The following SIMC1 variants were observed in gnomAD, a reference collection of about 807,000 sequenced individuals.
SIMC1 encodes the protein SUMO interacting motifs containing 1, also known as SUMO-interacting motif-containing protein 1.
Under a neutral mutation model 82.3 loss-of-function variants are expected in SIMC1, and 55 were observed. The observed-to-expected ratio is 0.67, with a 90% CI of 0.54 to 0.84. The LOEUF (loss-of-function observed/expected upper bound fraction) is 0.84. Among genes scored for constraint, SIMC1 ranks in the 40% least tolerant of loss-of-function variants. The probability of loss-of-function intolerance (pLI) is 0.00; values close to 1 mark genes in which losing one functional copy is unlikely to be tolerated. For missense variants in SIMC1, 915 were observed against 1,107.2 expected (o/e 0.83, Z 2.46); for synonymous variants, 353 against 426.3 (o/e 0.83, Z 2.12).
chr5:176,286,050 G>T (rs541763142), intron 1 of SIMC1, among the ~76,000 whole-genome samples: 78 of 152,308 alleles, frequency 5.1e-4, no homozygotes, highest in African/African-American at 1.8e-3. Context: ...CGTGAAAATG[G>T]CCATACTGCC....
At chr5:176,286,961 TTAAA>T (rs1328880476) in intron 1 of SIMC1, among the ~76,000 whole-genome samples, 1 of 152,142 alleles carries the variant, frequency 6.6e-6, no homozygotes, top group African/African-American at 2.4e-5. Flanking sequence ...ATGGCAATCA[TTAAA>T]AAGTCAGGAA....
At chr5:176,298,787 T>C (rs1433020424) in intron 4 of SIMC1, among the ~76,000 whole-genome samples, 7 of 152,208 alleles carry the variant, frequency 4.6e-5, no homozygotes, top group African/African-American at 1.2e-4. Flanking sequence ...TGTGATCTCA[T>C]TGGTAACTTC....
At chr5:176,257,685 C>A (rs1012861435) in intron 1 of SIMC1, among the ~76,000 whole-genome samples, 5 of 152,148 alleles carry the variant, frequency 3.3e-5, no homozygotes, top group Non-Finnish European at 7.3e-5. Context: ...TACATATGTA[C>A]GTATGTGTCT....
chr5:176,339,824 G>C (rs886099599), intron 9 of SIMC1, among the ~76,000 whole-genome samples: 1 of 152,180 alleles, frequency 6.6e-6, no homozygotes, highest in African/African-American at 2.4e-5. Context: ...AGGAAAATTA[G>C]CACTAGTAGT....
At chr5:176,306,323 A>G (rs1234748353) in intron 4 of SIMC1, among the ~76,000 whole-genome samples, 58 of 126,822 alleles carry the variant, frequency 4.6e-4, no homozygotes, top group African/African-American at 1.2e-3. Context: ...CAGCCGCCCC[A>G]TCCGGGAGGT....
intron 4 of SIMC1, chr5:176,307,991 G>T (rs1764500367): frequency 6.4e-6 from 4 of 624,072 alleles, no homozygotes; most frequent in African/African-American, 1.8e-5. Flanking sequence ...TAACCCAAAT[G>T]TCCATCAGCT....
chr5:176,312,254 G>A (rs375643686), intron 4 of SIMC1, among the ~76,000 whole-genome samples: 1 of 152,320 alleles, frequency 6.6e-6, no homozygotes, highest in African/African-American at 2.4e-5. Flanking sequence ...TCTAGCACAA[G>A]GCCAGGCGCA....
chr5:176,287,739 CA>C (rs199802958), intron 1 of SIMC1, among the ~76,000 whole-genome samples: 4 of 147,524 alleles, frequency 2.7e-5, no homozygotes, highest in East Asian at 2.0e-4. Context: ...AAGGAATCGA[CA>C]AAAAAAAGTT....
chr5:176,314,827 C>T (rs1764829275), intron 5 of SIMC1, among the ~76,000 whole-genome samples: 1 of 152,098 alleles, frequency 6.6e-6, no homozygotes, highest in Admixed American at 6.5e-5. Context: ...AGAAACTATA[C>T]CTCAAGTACC....
intron 1 of SIMC1, among the ~76,000 whole-genome samples, chr5:176,244,301 T>G (rs912901070): frequency 3.0e-5 from 3 of 99,598 alleles, no homozygotes; most frequent in Admixed American, 2.3e-4. Context: ...GAGGAAAGAT[T>G]CAAGAGTTCT....
chr5:176,328,993 A>G (rs1002923094), intron 7 of SIMC1, among the ~76,000 whole-genome samples: 1 of 152,194 alleles, frequency 6.6e-6, no homozygotes, highest in African/African-American at 2.4e-5. Context: ...TATATCCTTT[A>G]CACTGTTTTC....
At chr5:176,275,843 G>C (rs1386193956) in intron 1 of SIMC1, among the ~76,000 whole-genome samples, 1 of 151,666 alleles carries the variant, frequency 6.6e-6, no homozygotes, top group East Asian at 1.9e-4. Context: ...TGGTGGATAA[G>C]CTTTTTGATG....
At chr5:176,293,884 A>C (rs1763689591) in intron 2 of SIMC1, among the ~76,000 whole-genome samples, 1 of 152,196 alleles carries the variant, frequency 6.6e-6, no homozygotes, top group Non-Finnish European at 1.5e-5. Flanking sequence ...GAGCACATAG[A>C]GAAAAAATCA....
chr5:176,335,191 T>C (rs1765836816), intron 7 of SIMC1, among the ~76,000 whole-genome samples: 1 of 152,026 alleles, frequency 6.6e-6, no homozygotes. Context: ...CCTCTGGTTT[T>C]ATCATTGATT....
intron 3 of SIMC1, 181 bp from the exon 4 acceptor site, chr5:176,296,070 G>A: frequency 1.8e-6 from 2 of 1,129,344 alleles, no homozygotes; most frequent in Non-Finnish European, 2.5e-6. Context: ...TGGATACTGG[G>A]TAGCAAAAAA....
Position 176,251,996 on chromosome 5 carries a change from C to T in SIMC1, c.129+13359C>T, listed in dbSNP as rs986723739. On this transcript the variant is annotated intron_variant, in intron 1 of 9. Transcript: ENST00000429602. ...ATGTCTACTTCTTTCTACACAGACA[C>T]GGCAACCATCCGATTTCTCAATCTT... Among the ~76,000 whole-genome samples, 199 of 151,778 alleles carry T rather than the reference C, an allele frequency of 1.3e-3. 1 individual carries two copies. Among genetic ancestry groups the T allele is most frequent in the African/African-American group, 4.5e-3 (187 of 41,378 alleles).
chr5:176,327,885 T>A (rs944730527), intron 7 of SIMC1, among the ~76,000 whole-genome samples: 1 of 152,224 alleles, frequency 6.6e-6, no homozygotes, highest in African/African-American at 2.4e-5. Flanking sequence ...TGTAATACAC[T>A]GATTAATTTA....
intron 1 of SIMC1, among the ~76,000 whole-genome samples, chr5:176,273,691 T>C (rs1762551402): frequency 6.6e-6 from 1 of 152,162 alleles, no homozygotes; most frequent in Admixed American, 6.5e-5. Flanking sequence ...AGTGTGATGT[T>C]TCCCTTCCTG....
intron 5 of SIMC1, among the ~76,000 whole-genome samples, chr5:176,321,905 T>G (rs985698386): frequency 2.0e-5 from 3 of 148,154 alleles, no homozygotes; most frequent in Non-Finnish European, 4.5e-5. Context: ...TTTTTTTTTT[T>G]TGTAGAGTTG....
Sources: gnomAD v4.1 joint callset for allele counts (sites outside exome capture counted in the v4.1 genomes callset) on GRCh38, gnomAD v4.1.1 for gene constraint, MANE v1.5 for transcripts, NCBI Gene and HGNC (gene_info 2026-07-23, HGNC 2026-07-21) for gene names.